The following NEDD4L variants were observed in gnomAD, a reference collection of about 807,000 sequenced individuals.
The protein encoded by NEDD4L is NEDD4 like E3 ubiquitin protein ligase, also known as E3 ubiquitin-protein ligase NEDD4-like.
Under a neutral mutation model 148.9 loss-of-function variants are expected in NEDD4L, and 54 were observed. The ratio of observed to expected loss-of-function variants is 0.36; its 90% CI spans 0.29 to 0.45. The LOEUF is 0.45. Among genes scored for constraint, NEDD4L ranks in the 20% least tolerant of loss-of-function variants. The probability of loss-of-function intolerance (pLI) is 1.00; values close to 1 mark genes in which losing one functional copy is unlikely to be tolerated. For missense variants in NEDD4L, 856 were observed against 1,233.8 expected (o/e 0.69, Z 4.59); for synonymous variants, 433 against 440.7 (o/e 0.98, Z 0.22).
At chr18:58,295,125 A>G (rs1228348673) in intron 5 of NEDD4L, among the ~76,000 whole-genome samples, 1 of 152,190 alleles carries the variant, frequency 6.6e-6, no homozygotes, top group Non-Finnish European at 1.5e-5. Flanking sequence ...CATCACCTAA[A>G]GTCCATAGTT....
At chr18:58,049,693 A>T (rs1199992910) in intron 1 of NEDD4L, among the ~76,000 whole-genome samples, 1 of 152,228 alleles carries the variant, frequency 6.6e-6, no homozygotes, top group African/African-American at 2.4e-5. Flanking sequence ...ATTTGATTAT[A>T]GGGACCGGGT....
intron 2 of NEDD4L, among the ~76,000 whole-genome samples, chr18:58,175,065 G>A (rs1187207283): frequency 3.9e-5 from 6 of 152,230 alleles, no homozygotes; most frequent in African/African-American, 7.2e-5. Context: ...GTTGGTCCCT[G>A]TGGACCAGAC....
chr18:58,087,640 C>T (rs1396341950), intron 1 of NEDD4L, among the ~76,000 whole-genome samples: 2 of 151,950 alleles, frequency 1.3e-5, no homozygotes, highest in African/African-American at 2.4e-5. Context: ...TTTGAGAGGC[C>T]GAGGCGGGCG....
At chr18:58,234,243 A>AT (rs1483921204) in intron 2 of NEDD4L, among the ~76,000 whole-genome samples, 1 of 99,840 alleles carries the variant, frequency 1.0e-5, no homozygotes, top group African/African-American at 4.2e-5. Context: ...TTTTAAAAAT[A>AT]TTTTTCTTTT....
rs557585145 is a variant in NEDD4L, at chr18:58,257,776, CT to C, written c.297+5726del. ...ATGAAAAGTTTAATCAGTTTGGTTT[CT>C]TTTACTAGTAATCACTAGCCAGTGA... On this transcript the variant is annotated intron_variant, in intron 5 of 30. Transcript: ENST00000400345. 1.5e-4 allele frequency among the ~76,000 whole-genome samples: 23 copies of C among 152,262 alleles called. No homozygotes were observed. In the East Asian group the frequency reaches 1.7e-3, roughly 11 times the overall value.
chr18:58,170,235 G>T (rs925777348), intron 2 of NEDD4L, among the ~76,000 whole-genome samples: 9 of 152,222 alleles, frequency 5.9e-5, no homozygotes, highest in African/African-American at 2.2e-4. Context: ...TCTGGCAGCT[G>T]CCCTCTCATC....
At chr18:58,131,908 CA>C (rs2032213192) in intron 1 of NEDD4L, among the ~76,000 whole-genome samples, 1 of 152,164 alleles carries the variant, frequency 6.6e-6, no homozygotes, top group Non-Finnish European at 1.5e-5. Flanking sequence ...ATTTTCTCAA[CA>C]AGTTTGATTA....
chr18:58,295,501 T>C (rs540762541), intron 5 of NEDD4L, among the ~76,000 whole-genome samples: 2 of 152,340 alleles, frequency 1.3e-5, no homozygotes, highest in Non-Finnish European at 2.9e-5. Context: ...ATGCCACCGC[T>C]TAGTTAGTCA....
intron 2 of NEDD4L, among the ~76,000 whole-genome samples, chr18:58,167,521 G>A (rs537012325): frequency 6.6e-6 from 1 of 152,288 alleles, no homozygotes; most frequent in East Asian, 1.9e-4. Context: ...CTATATCAAA[G>A]CGTGTGTCTT....
At chr18:58,144,866 G>T (rs1467618459) in intron 1 of NEDD4L, among the ~76,000 whole-genome samples, 1 of 152,224 alleles carries the variant, frequency 6.6e-6, no homozygotes, top group African/African-American at 2.4e-5. Context: ...CTGCTCAGCA[G>T]TTGGGTGCTG....
At chr18:58,234,497 A>T (rs2045769972) in intron 2 of NEDD4L, among the ~76,000 whole-genome samples, 1 of 151,548 alleles carries the variant, frequency 6.6e-6, no homozygotes, top group Admixed American at 6.6e-5. Flanking sequence ...ATGCCTGGCT[A>T]AGTTTAAAAA....
At chr18:58,300,442 AC>A (rs1388997183) in intron 5 of NEDD4L, among the ~76,000 whole-genome samples, 1 of 152,056 alleles carries the variant, frequency 6.6e-6, no homozygotes, top group East Asian at 1.9e-4. Flanking sequence ...CCTCCCAAAC[AC>A]CTCTCAGTGT....
At position 58,259,501 on chromosome 18, in the gene NEDD4L, C is replaced by T. The variant is rs576398344; in HGVS notation, c.297+7447C>T. ...GAGTTATTCTGAGGAAGTTGGACCA[C>T]CATTTACCAGCATTTGTGCCCCCTT... is the stretch of plus-strand genomic sequence containing the variant. On this transcript the variant is annotated intron_variant, in intron 5 of 30. Coordinates refer to ENST00000400345, the MANE Select transcript of NEDD4L (RefSeq NM_001144967.3). Among the ~76,000 whole-genome samples the T allele has an allele frequency of 3.9e-5, 6 of 152,194 alleles. No homozygotes were observed. The South Asian group carries it at 1.2e-3, about 32-fold the overall frequency.
At chr18:58,307,630 C>T (rs937513373) in intron 5 of NEDD4L, among the ~76,000 whole-genome samples, 5 of 152,120 alleles carry the variant, frequency 3.3e-5, no homozygotes, top group African/African-American at 7.2e-5. Context: ...TTGTTGCTGG[C>T]TTGTGACATT....
At chr18:58,267,637 T>A (rs919685746) in intron 5 of NEDD4L, among the ~76,000 whole-genome samples, 4 of 152,070 alleles carry the variant, frequency 2.6e-5, no homozygotes, top group Non-Finnish European at 5.9e-5. Flanking sequence ...GTCATTTTCA[T>A]GTTGCAATGC....
chr18:58,314,478 T>C (rs8086835), intron 5 of NEDD4L: 51,874 of 151,560 alleles, frequency 0.34, 9,547 homozygotes, highest in African/African-American at 0.47. Context: ...CACTGCCTAA[T>C]TCCTTGTGTA....
intron 24 of NEDD4L, among the ~76,000 whole-genome samples, chr18:58,378,186 A>G (rs2047824904): frequency 6.6e-6 from 1 of 152,190 alleles, no homozygotes; most frequent in Non-Finnish European, 1.5e-5. Flanking sequence ...CCCAAAGGGA[A>G]CAAGGAGGAC....
intron 1 of NEDD4L, among the ~76,000 whole-genome samples, chr18:58,048,802 A>G (rs1471106098): frequency 6.6e-6 from 1 of 152,160 alleles, no homozygotes; most frequent in Non-Finnish European, 1.5e-5. Flanking sequence ...GGCTGGCATT[A>G]TGTCCTTTGA....
chr18:58,114,721 C>T (rs560370068), intron 1 of NEDD4L, among the ~76,000 whole-genome samples: 14 of 152,314 alleles, frequency 9.2e-5, no homozygotes, highest in African/African-American at 2.9e-4. Context: ...CTCAAGGTGT[C>T]GCCAGGGCTG....
Sources: gnomAD v4.1 joint callset for allele counts (sites outside exome capture counted in the v4.1 genomes callset) on GRCh38, gnomAD v4.1.1 for gene constraint, MANE v1.5 for transcripts, NCBI Gene and HGNC (gene_info 2026-07-23, HGNC 2026-07-21) for gene names.